The following CCDC178 variants were observed in gnomAD, a reference collection of about 807,000 sequenced individuals.
CCDC178 encodes the protein coiled-coil domain containing 178.
Under a neutral mutation model 117.4 loss-of-function variants are expected in CCDC178, and 126 were observed. The ratio of observed to expected loss-of-function variants is 1.07; its 90% CI spans 0.93 to 1.24. CCDC178 has a LOEUF of 1.24. Ranked by LOEUF, CCDC178 falls within the 50% of genes most tolerant of loss-of-function variation. The pLI, the probability that CCDC178 is intolerant of heterozygous loss-of-function variation, is 0.00. For missense variants in CCDC178, 1,030 were observed against 986.9 expected (o/e 1.04, Z -0.59); for synonymous variants, 283 against 313.4 (o/e 0.90, Z 1.02).
intron 11 of CCDC178, among the ~76,000 whole-genome samples, chr18:33,300,649 A>C (rs186257082): frequency 6.6e-6 from 1 of 152,362 alleles, no homozygotes; most frequent in East Asian, 1.9e-4. Context: ...AAAGAGCTTG[A>C]CTGCATTGTG....
chr18:33,319,078 C>T (rs949850474), intron 11 of CCDC178, among the ~76,000 whole-genome samples: 1 of 152,054 alleles, frequency 6.6e-6, no homozygotes, highest in African/African-American at 2.4e-5. Flanking sequence ...TTCTAGGGTA[C>T]ATGTGCACAA....
At chr18:33,115,596 C>T (rs1228546827) in intron 20 of CCDC178, among the ~76,000 whole-genome samples, 1 of 151,964 alleles carries the variant, frequency 6.6e-6, no homozygotes, top group Non-Finnish European at 1.5e-5. Flanking sequence ...TATTTTTCTT[C>T]ATACAGCCTT....
At chr18:33,221,715 G>A (rs1339014570) in intron 18 of CCDC178, among the ~76,000 whole-genome samples, 2 of 152,030 alleles carry the variant, frequency 1.3e-5, no homozygotes, top group African/African-American at 4.8e-5. Flanking sequence ...CAAAAGCAAA[G>A]CCAGTGAAGG....
intron 11 of CCDC178, among the ~76,000 whole-genome samples, chr18:33,317,764 T>G (rs1056372237): frequency 6.6e-6 from 1 of 152,120 alleles, no homozygotes; most frequent in African/African-American, 2.4e-5. Flanking sequence ...AATGCCTACA[T>G]GACATAGCTG....
intron 21 of CCDC178, among the ~76,000 whole-genome samples, chr18:33,017,833 A>T (rs1401646705): frequency 6.6e-6 from 1 of 152,018 alleles, no homozygotes; most frequent in African/African-American, 2.4e-5. Flanking sequence ...ACTAAACTAT[A>T]AAACCCTCAG....
chr18:33,087,736 C>T (rs1598869474), intron 21 of CCDC178, among the ~76,000 whole-genome samples: 1 of 152,248 alleles, frequency 6.6e-6, no homozygotes. Flanking sequence ...CTACATTAAA[C>T]AAGCAGACAG....
intron 21 of CCDC178, among the ~76,000 whole-genome samples, chr18:33,042,529 A>T (rs182441029): frequency 2.0e-4 from 30 of 152,046 alleles, no homozygotes; most frequent in Non-Finnish European, 4.0e-4. Flanking sequence ...CCAAAAATGC[A>T]ATATATGTAT....
intron 21 of CCDC178, among the ~76,000 whole-genome samples, chr18:33,046,987 G>T (rs2056655535): frequency 6.6e-6 from 1 of 152,088 alleles, no homozygotes; most frequent in African/African-American, 2.4e-5. Context: ...CATTTATTAT[G>T]TATGGTAAAA....
intron 12 of CCDC178, among the ~76,000 whole-genome samples, chr18:33,280,566 T>A (rs1027195266): frequency 5.3e-5 from 8 of 151,444 alleles, no homozygotes; most frequent in Non-Finnish European, 1.2e-4. Context: ...GAATCTAGAA[T>A]TAGAAATACC....
At chr18:33,403,620 T>C (rs1294409469) in intron 3 of CCDC178, among the ~76,000 whole-genome samples, 1 of 152,198 alleles carries the variant, frequency 6.6e-6, no homozygotes, top group African/African-American at 2.4e-5. Context: ...TCGGTTTCTC[T>C]TAAAAGAAAA....
chr18:33,114,280 G>A (rs1268988009), intron 20 of CCDC178, among the ~76,000 whole-genome samples: 1 of 152,018 alleles, frequency 6.6e-6, no homozygotes, highest in East Asian at 1.9e-4. Flanking sequence ...AGATGTCAGA[G>A]AATGTCTGCA....
chr18:33,090,215 A>C (rs960917559), intron 21 of CCDC178, among the ~76,000 whole-genome samples: 1 of 152,164 alleles, frequency 6.6e-6, no homozygotes, highest in African/African-American at 2.4e-5. Context: ...GGTTTTCTTT[A>C]TTACTCTTGG....
At chr18:32,998,307 A>G (rs546758316) in intron 21 of CCDC178, among the ~76,000 whole-genome samples, 26 of 152,296 alleles carry the variant, frequency 1.7e-4, no homozygotes, top group Admixed American at 4.6e-4. Flanking sequence ...GGAATCATTT[A>G]TCTCAGCAAT....
intron 20 of CCDC178, among the ~76,000 whole-genome samples, chr18:33,208,527 G>T (rs1404795977): frequency 6.6e-6 from 1 of 151,994 alleles, no homozygotes; most frequent in Admixed American, 6.6e-5. Context: ...GATGTGTCTT[G>T]AAAATGGAGT....
chr18:33,388,866 T>C (rs2063528920), intron 5 of CCDC178, among the ~76,000 whole-genome samples: 1 of 152,026 alleles, frequency 6.6e-6, no homozygotes, highest in African/African-American at 2.4e-5. Flanking sequence ...GAAGCCATTA[T>C]CCTCAGCAAA....
chr18:33,234,601 A>G, intron 15 of CCDC178, among the ~76,000 whole-genome samples: 1 of 151,860 alleles, frequency 6.6e-6, no homozygotes, highest in Non-Finnish European at 1.5e-5. Flanking sequence ...TTTTATCAAG[A>G]AAAAACAACT....
intron 20 of CCDC178, among the ~76,000 whole-genome samples, chr18:33,128,363 G>A (rs1196765464): frequency 6.6e-6 from 1 of 152,154 alleles, no homozygotes; most frequent in African/African-American, 2.4e-5. Context: ...AGACCCTTTA[G>A]AGAAAATTAA....
chr18:33,438,035 T>A (rs917357660), intron 2 of CCDC178, among the ~76,000 whole-genome samples: 3 of 152,136 alleles, frequency 2.0e-5, no homozygotes, highest in Non-Finnish European at 4.4e-5. Flanking sequence ...ACTGAAAATA[T>A]AAAGGGACTA....
chr18:33,254,880 G>C (rs996719967), intron 14 of CCDC178, among the ~76,000 whole-genome samples: 4 of 152,016 alleles, frequency 2.6e-5, no homozygotes, highest in African/African-American at 9.7e-5. Flanking sequence ...GAGATAGTTT[G>C]TTTGTCACTG....
Sources: gnomAD v4.1 joint callset for allele counts (sites outside exome capture counted in the v4.1 genomes callset) on GRCh38, gnomAD v4.1.1 for gene constraint, MANE v1.5 for transcripts, NCBI Gene and HGNC (gene_info 2026-07-23, HGNC 2026-07-21) for gene names.